KRT86: variants seen among roughly 807,000 people sequenced by gnomAD.
KRT86 encodes the protein keratin, type II cuticular Hb6.
In KRT86, 30 loss-of-function variants were observed where a neutral mutation model predicts 41.2. That is an observed-to-expected ratio of 0.73 (90% confidence interval 0.54 to 0.99). The LOEUF (loss-of-function observed/expected upper bound fraction) is 0.99, where lower values mean the gene tolerates loss of function less well. KRT86 is among the 50% of genes least tolerant of loss of function. The pLI is 0.00. For synonymous variants in KRT86, 238 were observed against 238.1 expected, an observed-to-expected ratio of 1.00 and a Z score of 0.00; for missense variants, 561 against 571.4, an observed-to-expected ratio of 0.98 and a Z score of 0.19.
chr12:52,285,928 T>C (rs554972437), intron 2 of KRT86: 192 of 403,026 alleles, frequency 4.8e-4, no homozygotes, highest in African/African-American at 3.8e-3. Flanking sequence ...TACATTAATT[T>C]ATTGAAACAC....
intron 2 of KRT86, among the ~76,000 whole-genome samples, chr12:52,282,750 G>A (rs973803133): frequency 2.6e-5 from 4 of 152,056 alleles, no homozygotes; most frequent in Non-Finnish European, 5.9e-5. Context: ...ACTCCCCATC[G>A]GTGACCCCTA....
At chr12:52,306,310 G>A (rs765620540) in intron 9 of KRT86, 30 bp downstream of exon 9, 10 of 1,612,806 alleles carry the variant, frequency 6.2e-6, no homozygotes, top group Non-Finnish European at 8.5e-6. Context: ...CCCTTTCCCA[G>A]CCCTGCCAGG....
chr12:52,298,729 G>A (rs375085951), intron 2 of KRT86, among the ~76,000 whole-genome samples: 24 of 152,344 alleles, frequency 1.6e-4, no homozygotes, highest in East Asian at 9.6e-4. Context: ...AATTCGAAAC[G>A]AGGCAGTTTG....
At position 52,308,721 on chromosome 12, in the gene KRT86, C is replaced by A. The variant is rs1938577356; in HGVS notation, c.*136C>A. 1.3e-6 allele frequency: 1 copy of A among 791,408 alleles called. No homozygotes were observed. The highest frequency in any genetic ancestry group is 1.7e-5 in the South Asian group (1 of 57,508). 49.0% of individuals were successfully genotyped at this position (791,408 alleles called of 1,614,324 possible). A position where few individuals can be genotyped will look rare whatever the true frequency, so the allele number is the denominator to read the frequency against. On this transcript the variant is annotated 3_prime_UTR_variant, in exon 11 of 11. Transcript: ENST00000423955. ...CCTGCACTCTAAGCGCCCTCCCCACCGCTCCGCTCCGGGAGCCATCCCCGG... is the reference window on the plus strand; with the variant it reads ...CCTGCACTCTAAGCGCCCTCCCCACAGCTCCGCTCCGGGAGCCATCCCCGG...
chr12:52,304,311 G>C (rs1337545444), intron 5 of KRT86, 140 bp downstream of exon 5: 1 of 231,896 alleles, frequency 4.3e-6, no homozygotes, highest in Non-Finnish European at 7.9e-6. Flanking sequence ...CCAGATGCAG[G>C]CCTTTGTATT....
rs1269325866 is a variant in KRT86 at position 52,291,317 on chromosome 12, A to G, written c.-4-10596A>G. The stretch of plus-strand genomic sequence containing the variant: ...GGAGCCGGCCCGAAAGCCTCCGCAC[A>G]CGCTGTGGCTGCCGAAGCCCCCGGT... On this transcript the variant is annotated intron_variant, in intron 2 of 10. Transcript: ENST00000423955. 1.4e-5 allele frequency: 22 copies of G among 1,550,730 alleles called. 1 individual carries two copies. The South Asian group carries it at 2.1e-4, about 15-fold the overall frequency.
intron 8 of KRT86, 35 bp from the exon 9 acceptor site, chr12:52,306,025 A>T: frequency 6.2e-7 from 1 of 1,611,818 alleles, no homozygotes; most frequent in Non-Finnish European, 8.5e-7. Context: ...AGACCCAGGG[A>T]CTCTAATCTA....
rs774913128 is a variant in KRT86 at position 52,308,585 on chromosome 12, G to A, written c.1461G>A (p.Ter487=). 4 of 1,596,092 alleles carry A rather than the reference G, an allele frequency of 2.5e-6. No individual in the cohort carries two copies. Among genetic ancestry groups the A allele is most frequent in the African/African-American group, 1.3e-5 (1 of 74,990 alleles). The change falls in exon 11 of 11, where the codon TAG becomes TAA. Residue 487 remains the stop codon, a stop_retained_variant. Transcript: ENST00000423955. ...GVCGGSCKRC[*] ...GCGGCGGCAGCTGTAAGAGGTGCTAGGAGGCTGCCGCCTCCGCCAGCGCCT... is the reference window on the plus strand; with the variant it reads ...GCGGCGGCAGCTGTAAGAGGTGCTAAGAGGCTGCCGCCTCCGCCAGCGCCT...
At chr12:52,295,859 G>A (rs545065414) in intron 2 of KRT86, among the ~76,000 whole-genome samples, 2 of 152,192 alleles carry the variant, frequency 1.3e-5, no homozygotes, top group African/African-American at 4.8e-5. Flanking sequence ...GTAGGATAGG[G>A]TGGGGACACA....
At position 52,288,129 on chromosome 12, in the gene KRT86, G is replaced by A. The variant is rs769466293; in HGVS notation, c.-5+12183G>A. 4 of 1,614,114 alleles carry A rather than the reference G, an allele frequency of 2.5e-6. No individual in the cohort carries two copies. Among genetic ancestry groups the A allele is most frequent in the East Asian group, 2.2e-5 (1 of 44,878 alleles). On this transcript the variant is annotated intron_variant, in intron 2 of 10. Transcript: ENST00000423955. ...AACCACGGAGGTGTCTGAGATGTGC[G>A]ACTGGAGAATGAGGATCTCCTGCAG...
At chr12:52,296,670 C>T (rs1021652833) in intron 2 of KRT86, among the ~76,000 whole-genome samples, 1 of 152,190 alleles carries the variant, frequency 6.6e-6, no homozygotes, top group East Asian at 1.9e-4. Flanking sequence ...TGGGCTCTCC[C>T]CAATCACCCA....
chr12:52,275,352 A>T (rs1358058793), intron 1 of KRT86, among the ~76,000 whole-genome samples: 2 of 152,246 alleles, frequency 1.3e-5, no homozygotes, highest in African/African-American at 4.8e-5. Context: ...GTTTCTGATT[A>T]ATGGCATTCA....
intron 2 of KRT86, chr12:52,290,980 A>G: frequency 2.5e-6 from 1 of 401,306 alleles, no homozygotes; most frequent in South Asian, 2.2e-5. Flanking sequence ...TGCCTCGCCC[A>G]TCAGACTGGG....
At chr12:52,307,351 C>T (rs751860594) in intron 9 of KRT86, among the ~76,000 whole-genome samples, 3 of 152,180 alleles carry the variant, frequency 2.0e-5, no homozygotes, top group African/African-American at 7.2e-5. Flanking sequence ...ATCTGAGTGG[C>T]CCACTCCTCC....
intron 2 of KRT86, among the ~76,000 whole-genome samples, chr12:52,281,874 G>A (rs1212133820): frequency 1.3e-5 from 2 of 152,038 alleles, no homozygotes; most frequent in Non-Finnish European, 2.9e-5. Flanking sequence ...CAGTAGCTGG[G>A]ACTACAGGCA....
intron 2 of KRT86, among the ~76,000 whole-genome samples, chr12:52,295,013 G>A (rs1349034045): frequency 4.6e-5 from 7 of 152,078 alleles, no homozygotes; most frequent in Non-Finnish European, 4.4e-5. Flanking sequence ...TTTCTACCTC[G>A]ATAGCCACAA....
chr12:52,287,456 ATT>A (rs1285855350), intron 2 of KRT86: 1 of 1,576,540 alleles, frequency 6.3e-7, no homozygotes, highest in South Asian at 1.1e-5. Flanking sequence ...CCTGGGACTC[ATT>A]GAGAGACCAC....
intron 9 of KRT86, 69 bp from the exon 10 acceptor site, chr12:52,308,164 C>A (rs970257162): frequency 8.1e-6 from 13 of 1,603,704 alleles, no homozygotes; most frequent in Middle Eastern, 3.4e-4. Flanking sequence ...CAGATGTCCC[C>A]CTCCACTTCA....
intron 2 of KRT86, chr12:52,287,340 A>G (rs1352146783): frequency 6.2e-7 from 1 of 1,613,800 alleles, no homozygotes; most frequent in East Asian, 2.2e-5. Context: ...GAACAGAAAG[A>G]ACAAGGTAGA....
Sources: allele counts gnomAD v4.1 joint callset (sites outside exome capture counted in the v4.1 genomes callset), GRCh38; gene constraint gnomAD v4.1.1; transcripts MANE v1.5; gene names NCBI Gene and HGNC (gene_info 2026-07-23, HGNC 2026-07-21).